CSMD1: variants seen among roughly 807,000 people sequenced by gnomAD.
CSMD1 encodes the protein CUB and Sushi multiple domains 1.
Under a neutral mutation model 417.5 loss-of-function variants are expected in CSMD1, and 213 were observed. The observed-to-expected ratio is 0.51, with a 90% CI of 0.46 to 0.57. The LOEUF (loss-of-function observed/expected upper bound fraction) is 0.57, where lower values mean the gene tolerates loss of function less well. Ranked by LOEUF, CSMD1 falls within the 20% of genes least tolerant of loss-of-function variation. CSMD1 has a pLI of 0.00. For synonymous variants in CSMD1, 2,862 were observed against 1,736.8 expected, an observed-to-expected ratio of 1.65 and a Z score of -16.11; for missense variants, 6,923 against 4,529.7, an observed-to-expected ratio of 1.53 and a Z score of -15.17.
At chr8:4,988,065 T>G (rs1811271659) in intron 1 of CSMD1, among the ~76,000 whole-genome samples, 1 of 152,204 alleles carries the variant, frequency 6.6e-6, no homozygotes, top group South Asian at 2.1e-4. Context: ...ATTTATCCTA[T>G]TTGTTCTGTC....
At chr8:3,478,880 CG>C (rs1189453597) in intron 11 of CSMD1, among the ~76,000 whole-genome samples, 2 of 152,078 alleles carry the variant, frequency 1.3e-5, no homozygotes, top group Non-Finnish European at 2.9e-5. Flanking sequence ...GGAGGCCCTT[CG>C]TCCCAGTAGG....
chr8:4,607,140 G>C (rs1258455816), intron 2 of CSMD1, among the ~76,000 whole-genome samples: 2 of 152,074 alleles, frequency 1.3e-5, no homozygotes, highest in Non-Finnish European at 2.9e-5. Context: ...ACCTGGGAAA[G>C]ACAGTTAATT....
chr8:3,947,624 C>A (rs1397209808), intron 5 of CSMD1, among the ~76,000 whole-genome samples: 1 of 150,572 alleles, frequency 6.6e-6, no homozygotes, highest in Non-Finnish European at 1.5e-5. Flanking sequence ...ATACGAGGAG[C>A]TTTCCCACAT....
At chr8:4,923,783 G>T (rs910766701) in intron 1 of CSMD1, among the ~76,000 whole-genome samples, 52 of 152,224 alleles carry the variant, frequency 3.4e-4, no homozygotes, top group African/African-American at 1.2e-3. Flanking sequence ...CCAAGATTCA[G>T]TGTCCCAATG....
intron 2 of CSMD1, among the ~76,000 whole-genome samples, chr8:4,426,580 G>C (rs1282387643): frequency 6.9e-6 from 1 of 144,256 alleles, no homozygotes; most frequent in Non-Finnish European, 1.5e-5. Flanking sequence ...TATATACACA[G>C]TATGTGCAGT....
intron 1 of CSMD1, among the ~76,000 whole-genome samples, chr8:4,821,143 TTC>T (rs929564001): frequency 1.5e-4 from 23 of 152,186 alleles, no homozygotes; most frequent in Non-Finnish European, 3.2e-4. Context: ...ACGCCGAAAC[TTC>T]TCTGAGTCAC....
chr8:3,843,353 A>G (rs1803257540), intron 5 of CSMD1, among the ~76,000 whole-genome samples: 1 of 152,158 alleles, frequency 6.6e-6, no homozygotes, highest in African/African-American at 2.4e-5. Flanking sequence ...TATTTACTGA[A>G]TATTTATTGT....
At chr8:3,696,344 T>C (rs1800551450) in intron 7 of CSMD1, among the ~76,000 whole-genome samples, 1 of 152,236 alleles carries the variant, frequency 6.6e-6, no homozygotes, top group Non-Finnish European at 1.5e-5. Context: ...TTACCCAATG[T>C]GTTCACCTTG....
intron 6 of CSMD1, among the ~76,000 whole-genome samples, chr8:3,744,878 T>C (rs1238092277): frequency 6.6e-6 from 1 of 152,170 alleles, no homozygotes; most frequent in East Asian, 1.9e-4. Flanking sequence ...GAGTAAGGGA[T>C]GGTGTTCAAA....
At chr8:3,668,919 T>C (rs1047047845) in intron 7 of CSMD1, among the ~76,000 whole-genome samples, 9 of 152,196 alleles carry the variant, frequency 5.9e-5, no homozygotes, top group Admixed American at 3.3e-4. Context: ...CCCTCAGCCA[T>C]AGCTCTTTGA....
chr8:4,040,616 A>C (rs1184540467), intron 3 of CSMD1, among the ~76,000 whole-genome samples: 1 of 152,198 alleles, frequency 6.6e-6, no homozygotes, highest in Admixed American at 6.5e-5. Context: ...GGGGAGACTT[A>C]CGATGTTTTC....
chr8:3,609,811 C>CTTTTTTTTTTTTTT (rs71534362), intron 8 of CSMD1, among the ~76,000 whole-genome samples: 1 of 75,262 alleles, frequency 1.3e-5, no homozygotes, highest in Non-Finnish European at 2.4e-5. Flanking sequence ...AGTATCTTCC[C>CTTTTTTTTTTTTTT]TTTTTTTTTT....
intron 1 of CSMD1, among the ~76,000 whole-genome samples, chr8:4,834,710 A>C (rs1585182332): frequency 6.6e-6 from 1 of 152,038 alleles, no homozygotes; most frequent in African/African-American, 2.4e-5. Context: ...TAATCCCAGC[A>C]CTTTGGGAGG....
chr8:3,547,347 A>T (rs1230924683), intron 10 of CSMD1, among the ~76,000 whole-genome samples: 1 of 152,230 alleles, frequency 6.6e-6, no homozygotes, highest in Non-Finnish European at 1.5e-5. Flanking sequence ...TAAAATTTGT[A>T]CGGTCGAAAA....
chr8:3,271,062 A>T lies in CSMD1; in HGVS notation c.4153+13082T>A, dbSNP rs563050449. ...CATCTAGCAATAGGTATATCTCCCA[A>T]TGCTGTCCTTCCCCCCTCCCCCCAC... On this transcript the variant is annotated intron_variant, in intron 26 of 69. Transcript: ENST00000635120. Among the ~76,000 whole-genome samples, 4 of 147,076 alleles carry T rather than the reference A, an allele frequency of 2.7e-5. No homozygotes were observed. The South Asian group carries it at 7.0e-4, about 26-fold the overall frequency.
At chr8:4,008,633 C>G (rs557805391) in intron 4 of CSMD1, among the ~76,000 whole-genome samples, 2 of 91,800 alleles carry the variant, frequency 2.2e-5, no homozygotes, top group Non-Finnish European at 3.9e-5. Context: ...TTTTTTGAGA[C>G]AGGGTCTCGC....
At chr8:4,665,922 A>G (rs1425717997) in intron 1 of CSMD1, among the ~76,000 whole-genome samples, 1 of 152,212 alleles carries the variant, frequency 6.6e-6, no homozygotes, top group Non-Finnish European at 1.5e-5. Flanking sequence ...CTTTACAAGA[A>G]TGACCCAAAT....
In CSMD1 at chr8:3,845,185, C is replaced by T. The variant is rs117348288; in HGVS notation, c.819-91143G>A. ...TTTATGGGAATTAGAAAACACATAC[C>T]GTTAGGAAAATAGTGCAACTATGCA... On this transcript the variant is annotated intron_variant, in intron 5 of 69. Coordinates refer to ENST00000635120, the MANE Select transcript of CSMD1 (RefSeq NM_033225.6). 4.5e-4 allele frequency among the ~76,000 whole-genome samples: 69 copies of T among 152,210 alleles called. 1 individual carries two copies. The East Asian group carries it at 0.013, about 28-fold the overall frequency.
intron 3 of CSMD1, among the ~76,000 whole-genome samples, chr8:4,262,050 T>C (rs767181437): frequency 1.6e-4 from 25 of 152,202 alleles, no homozygotes; most frequent in Admixed American, 6.5e-4. Context: ...TTGTCCCATA[T>C]TTTAGATTTA....
Sources: gnomAD v4.1 joint callset for allele counts (sites outside exome capture counted in the v4.1 genomes callset) on GRCh38, gnomAD v4.1.1 for gene constraint, MANE v1.5 for transcripts, NCBI Gene and HGNC (gene_info 2026-07-23, HGNC 2026-07-21) for gene names.